The following RSF1 variants were observed in gnomAD, a reference collection of about 807,000 sequenced individuals.
RSF1 encodes remodeling and spacing factor 1, also known as HBV pX-associated protein 8.
RSF1 carries 13 observed loss-of-function variants against 145.2 expected under a neutral mutation model. The observed-to-expected ratio is 0.09, with a 90% CI of 0.06 to 0.14. The LOEUF is 0.14. Ranked by LOEUF, RSF1 falls within the 10% of genes least tolerant of loss-of-function variation. The pLI is 1.00. For missense variants in RSF1, 1,517 were observed against 1,718.2 expected (o/e 0.88, Z 2.07); for synonymous variants, 577 against 592.6 (o/e 0.97, Z 0.38).
chr11:77,805,354 T>C (rs1447514721), intron 1 of RSF1, among the ~76,000 whole-genome samples: 1 of 151,740 alleles, frequency 6.6e-6, no homozygotes, highest in Non-Finnish European at 1.5e-5. Context: ...GGCAGGAGAA[T>C]TGCTTGAACC....
At chr11:77,697,132 T>A (rs1960295551) in intron 7 of RSF1, among the ~76,000 whole-genome samples, 1 of 152,112 alleles carries the variant, frequency 6.6e-6, no homozygotes, top group Non-Finnish European at 1.5e-5. Context: ...ATAAGTAGTA[T>A]CCTGATAAGT....
intron 8 of RSF1, 149 bp from the exon 9 acceptor site, chr11:77,691,387 AAC>A (rs1565149611): frequency 3.1e-6 from 2 of 640,282 alleles, no homozygotes; most frequent in African/African-American, 1.8e-5. Context: ...TGTTTAATTA[AAC>A]ACACCTTTTG....
rs1161762028 is a variant in RSF1 at position 77,772,848 on chromosome 11, G to GAAAAAAAAAAAAAA, written c.188-8173_188-8160dup. Among the ~76,000 whole-genome samples the GAAAAAAAAAAAAAA allele has an allele frequency of 3.5e-5, 3 of 85,194 alleles. 1 individual carries two copies. The highest frequency in any genetic ancestry group is 4.3e-5 in the Non-Finnish European group (2 of 46,174). 55.9% of individuals were successfully genotyped at this position (85,194 alleles called of 152,430 possible). On this transcript the variant is annotated intron_variant, in intron 1 of 15. Coordinates refer to ENST00000308488, the MANE Select transcript of RSF1 (RefSeq NM_016578.4). ...GATGTGACAAGAGTTGCCCAAGATG[G>GAAAAAAAAAAAAAA]AAAAAAAAAAAAAAAAAAAAAAAGG...
chr11:77,667,401 T>A lies in RSF1; in HGVS notation c.3842A>T (p.Tyr1281Phe), dbSNP rs201625012. The A allele has an allele frequency of 3.7e-5, 59 of 1,614,084 alleles. No homozygotes were observed. In the African/African-American group the frequency reaches 4.7e-4, roughly 13 times the overall value. ...VRKRGRSTDE[Y>F]SEADEEEEEE... Reference sequence around the variant, plus strand: ...CTCCTCCTCCTCATCTGCTTCTGAATACTCGTCTGTGCTTCGGCCCCGCTT... The same window carrying A: ...CTCCTCCTCCTCATCTGCTTCTGAAAACTCGTCTGTGCTTCGGCCCCGCTT... The change falls in exon 16 of 16, where the codon TAT (tyrosine) becomes TTT (phenylalanine). Residue 1281 changes from tyrosine (Y) to phenylalanine (F), a missense_variant. Transcript: ENST00000308488.
At chr11:77,755,016 T>C (rs992982732) in intron 2 of RSF1, among the ~76,000 whole-genome samples, 5 of 152,128 alleles carry the variant, frequency 3.3e-5, no homozygotes, top group African/African-American at 9.7e-5. Flanking sequence ...AGGAGGAAAG[T>C]GGCAAAAGAT....
chr11:77,662,073 T>G lies in RSF1; in HGVS notation c.*4844A>C, dbSNP rs552085925. 6.6e-6 allele frequency: 1 copy of G among 152,174 alleles called. No homozygotes were observed. The highest frequency in any genetic ancestry group is 1.5e-5 in the Non-Finnish European group (1 of 67,966). 9.4% of individuals were successfully genotyped at this position (152,174 alleles called of 1,614,324 possible). On this transcript the variant is annotated 3_prime_UTR_variant, in exon 16 of 16. Coordinates refer to ENST00000308488, the MANE Select transcript of RSF1 (RefSeq NM_016578.4). ...TAGCACACTTTCTAACTTGTACCGG[T>G]TTGGCCAAAAAAGGAAAAAACAAAA...
At chr11:77,716,859 A>G (rs1320751487) in intron 5 of RSF1, among the ~76,000 whole-genome samples, 2 of 152,168 alleles carry the variant, frequency 1.3e-5, no homozygotes, top group East Asian at 3.9e-4. Flanking sequence ...CCATAAATAT[A>G]TACAACTTTT....
chr11:77,753,517 C>T (rs1479161115), intron 2 of RSF1, among the ~76,000 whole-genome samples: 1 of 152,098 alleles, frequency 6.6e-6, no homozygotes, highest in African/African-American at 2.4e-5. Context: ...AACGCGTGGC[C>T]CACAACAGGA....
rs1253664278 is a variant in RSF1, at chr11:77,662,442, T to C, written c.*4475A>G. 6.6e-6 allele frequency: 1 copy of C among 152,160 alleles called. No individual in the cohort carries two copies. Among genetic ancestry groups the C allele is most frequent in the African/African-American group, 2.4e-5 (1 of 41,452 alleles). The allele number at this position is 152,160 out of a possible 1,614,324, so 9.4% of individuals were successfully genotyped here. On this transcript the variant is annotated 3_prime_UTR_variant, in exon 16 of 16. Transcript: ENST00000308488. ...GAGTGTATACTCTAAAGTGGTTATA[T>C]ACTAAGCTCATTACATTTTGGCTTA...
chr11:77,837,493 C>T, the RSF1 span, among the ~76,000 whole-genome samples: 1 of 151,962 alleles, frequency 6.6e-6, no homozygotes, highest in Non-Finnish European at 1.5e-5. Flanking sequence ...CTCGCTCTGT[C>T]ACCCAGGCTG....
intron 1 of RSF1, among the ~76,000 whole-genome samples, chr11:77,776,103 T>C (rs1037177046): frequency 4.6e-5 from 7 of 152,086 alleles, no homozygotes; most frequent in African/African-American, 9.7e-5. Context: ...CCTCCTTAGC[T>C]ACTTGGGTTG....
In RSF1 at chr11:77,686,732, T is replaced by A. The variant is rs370933927; in HGVS notation, c.2901-1573A>T. Among the ~76,000 whole-genome samples, 286 of 152,250 alleles carry A rather than the reference T, an allele frequency of 1.9e-3. 4 individuals are homozygous for A. The highest frequency in any genetic ancestry group is 6.7e-3 in the African/African-American group (278 of 41,542). ...CTAAAACATCAGATTTCACAGAGCATCACACCATCAGGTCTGTAGACAGTT... is the reference window on the plus strand; with the variant it reads ...CTAAAACATCAGATTTCACAGAGCAACACACCATCAGGTCTGTAGACAGTT... On this transcript the variant is annotated intron_variant, in intron 9 of 15. Coordinates refer to ENST00000308488, the MANE Select transcript of RSF1 (RefSeq NM_016578.4).
chr11:77,778,997 T>A (rs1948376201), intron 1 of RSF1, among the ~76,000 whole-genome samples: 1 of 152,188 alleles, frequency 6.6e-6, no homozygotes, highest in Non-Finnish European at 1.5e-5. Context: ...CAGGCTGGAG[T>A]GCAGTGGTAC....
intron 1 of RSF1, among the ~76,000 whole-genome samples, chr11:77,777,732 C>A (rs928542883): frequency 6.6e-6 from 1 of 152,028 alleles, no homozygotes; most frequent in African/African-American, 2.4e-5. Context: ...CACCTGTAAT[C>A]CTAGCTACTC....
chr11:77,795,689 T>A (rs1948565248), intron 1 of RSF1, among the ~76,000 whole-genome samples: 1 of 152,218 alleles, frequency 6.6e-6, no homozygotes, highest in Non-Finnish European at 1.5e-5. Flanking sequence ...ACTGGACCTC[T>A]ATTTCTCATC....
the RSF1 span, among the ~76,000 whole-genome samples, chr11:77,853,775 T>C: frequency 6.6e-6 from 1 of 151,880 alleles, no homozygotes; most frequent in South Asian, 2.1e-4. Flanking sequence ...ACCCTGTCTC[T>C]ACTAAAAATA....
At chr11:77,678,282 T>C (rs1015372158) in intron 11 of RSF1, 129 bp from the exon 12 acceptor site, 4 of 452,858 alleles carry the variant, frequency 8.8e-6, no homozygotes, top group African/African-American at 2.1e-5. Flanking sequence ...AGTGGCGCCA[T>C]CTCGGCTCAC....
chr11:77,858,937 TGC>T, the RSF1 span, among the ~76,000 whole-genome samples: 1 of 152,214 alleles, frequency 6.6e-6, no homozygotes, highest in Non-Finnish European at 1.5e-5. Flanking sequence ...TGGCCTGCAG[TGC>T]AGGGGATTAT....
In RSF1 at chr11:77,701,710, C is replaced by T. The variant is rs141555749; in HGVS notation, c.1519G>A (p.Ala507Thr). The T allele has an allele frequency of 6.1e-3, 9,890 of 1,613,642 alleles. 41 individuals carry two copies. The highest frequency in any genetic ancestry group is 7.7e-3 in the Non-Finnish European group (9,131 of 1,179,936). The change falls in exon 6 of 16, where the codon GCC becomes ACC. Residue 507 changes from alanine to threonine, a missense_variant. Coordinates refer to ENST00000308488, the MANE Select transcript of RSF1 (RefSeq NM_016578.4). The stretch of plus-strand genomic sequence containing the variant: ...CTATCTGCATCTTTCCTCAAAGGGG[C>T]TGTTTCTTTCTCAAGCTCACCTGTT... ...MKTGELEKET[A>T]PLRKDADSSI...
Sources: allele counts gnomAD v4.1 joint callset (sites outside exome capture counted in the v4.1 genomes callset), GRCh38; gene constraint gnomAD v4.1.1; transcripts MANE v1.5; gene names NCBI Gene and HGNC (gene_info 2026-07-23, HGNC 2026-07-21).